Variants in FAF1 observed in about 807,000 individuals in gnomAD.
The protein encoded by FAF1 is Fas associated factor 1, also known as FAS-associated factor 1.
Under a neutral mutation model 92.5 loss-of-function variants are expected in FAF1, and 25 were observed. The ratio of observed to expected loss-of-function variants is 0.27; its 90% confidence interval spans 0.20 to 0.38. The LOEUF is 0.38. FAF1 is among the 10% of genes least tolerant of loss of function. FAF1 has a pLI of 1.00. For synonymous variants in FAF1, 234 were observed against 273.2 expected (o/e 0.86, Z 1.42); for missense variants, 636 against 793.3 (o/e 0.80, Z 2.38).
chr1:50,573,565 T>C (rs893209626), intron 12 of FAF1, among the ~76,000 whole-genome samples: 2 of 152,220 alleles, frequency 1.3e-5, no homozygotes, highest in Non-Finnish European at 2.9e-5. Flanking sequence ...GCAGGTTGTA[T>C]TGTGAAAAGA....
chr1:50,864,932 A>G (rs1190725889), intron 1 of FAF1, among the ~76,000 whole-genome samples: 1 of 152,124 alleles, frequency 6.6e-6, no homozygotes, highest in African/African-American at 2.4e-5. Context: ...AATTTTCACA[A>G]CCTACTCATC....
At chr1:50,704,547 C>A (rs759979037) in intron 7 of FAF1, among the ~76,000 whole-genome samples, 2 of 151,896 alleles carry the variant, frequency 1.3e-5, no homozygotes, top group East Asian at 3.8e-4. Context: ...GATGGAGCCA[C>A]GGCAAAACAT....
At chr1:50,897,967 A>G (rs1350947398) in intron 1 of FAF1, among the ~76,000 whole-genome samples, 1 of 152,206 alleles carries the variant, frequency 6.6e-6, no homozygotes, top group Non-Finnish European at 1.5e-5. Flanking sequence ...TCTGAGCCCA[A>G]TCTGTTCCAT....
intron 18 of FAF1, among the ~76,000 whole-genome samples, chr1:50,459,440 A>G (rs1646398300): frequency 6.6e-6 from 1 of 152,100 alleles, no homozygotes; most frequent in African/African-American, 2.4e-5. Context: ...GGTCCCTCAG[A>G]CTCAACAAAT....
intron 8 of FAF1, among the ~76,000 whole-genome samples, chr1:50,629,737 C>T (rs537315153): frequency 1.9e-4 from 29 of 152,152 alleles, no homozygotes; most frequent in African/African-American, 4.3e-4. Context: ...ATCTACCCTT[C>T]GGGATTGATT....
intron 1 of FAF1, among the ~76,000 whole-genome samples, chr1:50,936,324 T>A (rs1191665825): frequency 6.6e-6 from 1 of 152,130 alleles, no homozygotes; most frequent in Non-Finnish European, 1.5e-5. Flanking sequence ...CATATGGGTA[T>A]TGCAGATCTA....
At chr1:50,515,184 T>C (rs992774451) in intron 15 of FAF1, among the ~76,000 whole-genome samples, 9 of 152,056 alleles carry the variant, frequency 5.9e-5, no homozygotes, top group Admixed American at 5.9e-4. Context: ...TATAGGAGGG[T>C]CTATTATGGT....
intron 2 of FAF1, among the ~76,000 whole-genome samples, chr1:50,847,408 A>C (rs2124652786): frequency 6.6e-6 from 1 of 150,542 alleles, no homozygotes; most frequent in African/African-American, 2.4e-5. Flanking sequence ...AAGATAAACT[A>C]TGCCTGAAAT....
chr1:50,521,114 A>G (rs1435277034), intron 15 of FAF1, among the ~76,000 whole-genome samples: 1 of 152,220 alleles, frequency 6.6e-6, no homozygotes, highest in Non-Finnish European at 1.5e-5. Flanking sequence ...TACATTGTAG[A>G]ATGGCTATAT....
intron 18 of FAF1, among the ~76,000 whole-genome samples, chr1:50,467,971 A>G (rs1475150057): frequency 6.6e-6 from 1 of 152,216 alleles, no homozygotes; most frequent in Non-Finnish European, 1.5e-5. Context: ...CACTTTGGAT[A>G]GCCAAAGTAG....
chr1:50,950,667 G>A (rs899339393), intron 1 of FAF1, among the ~76,000 whole-genome samples: 10 of 152,228 alleles, frequency 6.6e-5, no homozygotes, highest in African/African-American at 2.4e-4. Flanking sequence ...AGCTAATCTA[G>A]AGACACTATG....
At chr1:50,556,521 C>G (rs1436985530) in intron 13 of FAF1, among the ~76,000 whole-genome samples, 4 of 152,086 alleles carry the variant, frequency 2.6e-5, no homozygotes, top group African/African-American at 9.7e-5. Flanking sequence ...ACCACTTGTA[C>G]CCCTAAATCT....
intron 12 of FAF1, among the ~76,000 whole-genome samples, chr1:50,576,659 C>T (rs1184120553): frequency 6.8e-6 from 1 of 147,120 alleles, no homozygotes; most frequent in Non-Finnish European, 1.5e-5. Context: ...CACCCCTGCA[C>T]CAAGATATGA....
At chr1:50,646,523 A>G (rs573805701) in intron 8 of FAF1, among the ~76,000 whole-genome samples, 2 of 152,358 alleles carry the variant, frequency 1.3e-5, no homozygotes, top group East Asian at 1.9e-4. Context: ...TCTTTGATAT[A>G]AATGTGAAGA....
chr1:50,755,540 C>G (rs539077937), intron 4 of FAF1, among the ~76,000 whole-genome samples: 1 of 152,182 alleles, frequency 6.6e-6, no homozygotes, highest in South Asian at 2.1e-4. Flanking sequence ...GTGGATCTAC[C>G]ATTCTGGGGT....
intron 15 of FAF1, among the ~76,000 whole-genome samples, chr1:50,500,244 T>C (rs1646968053): frequency 6.6e-6 from 1 of 152,184 alleles, no homozygotes; most frequent in Non-Finnish European, 1.5e-5. Flanking sequence ...AGAGGACTTA[T>C]ACTACTTGAT....
intron 7 of FAF1, among the ~76,000 whole-genome samples, chr1:50,679,036 G>C (rs1029287497): frequency 6.6e-6 from 1 of 152,154 alleles, no homozygotes; most frequent in Admixed American, 6.5e-5. Context: ...GCAGTAAGCC[G>C]AGATGGTGCC....
chr1:50,565,186 T>C (rs1572837727), intron 13 of FAF1, among the ~76,000 whole-genome samples: 1 of 152,106 alleles, frequency 6.6e-6, no homozygotes, highest in African/African-American at 2.4e-5. Flanking sequence ...GAACTATTAA[T>C]AGATTTTGAA....
intron 4 of FAF1, among the ~76,000 whole-genome samples, chr1:50,748,222 G>A (rs1166675809): frequency 2.0e-5 from 3 of 152,136 alleles, no homozygotes; most frequent in Non-Finnish European, 2.9e-5. Flanking sequence ...AATGCCAGGC[G>A]TGGTGGCTCA....
Sources: gnomAD v4.1 joint callset for allele counts (sites outside exome capture counted in the v4.1 genomes callset) on GRCh38, gnomAD v4.1.1 for gene constraint, MANE v1.5 for transcripts, NCBI Gene and HGNC (gene_info 2026-07-23, HGNC 2026-07-21) for gene names.